The following STPG2 variants were observed in gnomAD, a reference collection of about 807,000 sequenced individuals.
STPG2 encodes sperm tail PG-rich repeat containing 2, also known as sperm-tail PG-rich repeat-containing protein 2.
Under a neutral mutation model 54.2 loss-of-function variants are expected in STPG2, and 56 were observed. The observed-to-expected ratio is 1.03, with a 90% CI of 0.83 to 1.29. The LOEUF (loss-of-function observed/expected upper bound fraction) is 1.29. Among genes scored for constraint, STPG2 ranks in the 50% most tolerant of loss-of-function variants. The probability of loss-of-function intolerance (pLI) is 0.00; values close to 1 mark genes in which losing one functional copy is unlikely to be tolerated. For synonymous variants in STPG2, 200 were observed against 181.8 expected, an observed-to-expected ratio of 1.10 and a Z score of -0.81; for missense variants, 596 against 544.9, an observed-to-expected ratio of 1.09 and a Z score of -0.93.
intron 10 of STPG2, among the ~76,000 whole-genome samples, chr4:97,695,916 G>GA (rs1446872095): frequency 6.6e-6 from 1 of 152,010 alleles, no homozygotes; most frequent in East Asian, 1.9e-4. Context: ...TTGTGAAAAT[G>GA]ACCACACTGC....
chr4:97,694,453 GA>G (rs35072381), intron 10 of STPG2, among the ~76,000 whole-genome samples: 1 of 150,254 alleles, frequency 6.7e-6, no homozygotes, highest in African/African-American at 2.5e-5. Flanking sequence ...GATTAAAACA[GA>G]AAAAAAAATA....
intron 10 of STPG2, among the ~76,000 whole-genome samples, chr4:97,583,496 T>C (rs1424384412): frequency 6.6e-6 from 1 of 152,086 alleles, no homozygotes; most frequent in East Asian, 1.9e-4. Flanking sequence ...CCTGCTATTT[T>C]CACATGAACT....
chr4:97,858,412 T>A (rs949517068), intron 8 of STPG2, among the ~76,000 whole-genome samples: 1 of 152,152 alleles, frequency 6.6e-6, no homozygotes, highest in Non-Finnish European at 1.5e-5. Flanking sequence ...TATTTTATTT[T>A]ATTTTATTTC....
chr4:98,072,669 A>G (rs1738042972), intron 5 of STPG2, among the ~76,000 whole-genome samples: 1 of 152,202 alleles, frequency 6.6e-6, no homozygotes, highest in African/African-American at 2.4e-5. Context: ...TGCATCCCCA[A>G]CTGTGTGTGC....
chr4:98,028,547 C>T (rs764588959), intron 5 of STPG2, among the ~76,000 whole-genome samples: 25 of 152,120 alleles, frequency 1.6e-4, no homozygotes, highest in Admixed American at 8.5e-4. Context: ...GTATCTTTAA[C>T]GTCCATATTT....
At chr4:97,703,786 G>A (rs1011750711) in intron 10 of STPG2, among the ~76,000 whole-genome samples, 2 of 145,282 alleles carry the variant, frequency 1.4e-5, no homozygotes, top group Non-Finnish European at 3.0e-5. Flanking sequence ...GTGTGTGTGT[G>A]TATATATATG....
chr4:98,023,290 C>T (rs755582749), intron 5 of STPG2, among the ~76,000 whole-genome samples: 1 of 150,860 alleles, frequency 6.6e-6, no homozygotes, highest in Non-Finnish European at 1.5e-5. Context: ...CACTCCAGAC[C>T]CTGTTTGCCT....
At position 97,499,070 on chromosome 4, in the gene STPG2, G is replaced by A. The variant is rs149637498; in HGVS notation, c.462+213629C>T. 6.6e-5 allele frequency among the ~76,000 whole-genome samples: 10 copies of A among 152,016 alleles called. No homozygotes were observed. The East Asian group carries it at 7.8e-4, about 12-fold the overall frequency. ...GAACCTAACTGAGGGAGTGACTCAC[G>A]AGCCCTAGGAAAATCAGGATAAGTC... On this transcript the variant is annotated intron_variant, in intron 4 of 4. Transcript: ENST00000522676.
At chr4:97,465,221 G>A (rs934368602) in intron 4 of STPG2, among the ~76,000 whole-genome samples, 2 of 152,076 alleles carry the variant, frequency 1.3e-5, no homozygotes, top group Non-Finnish European at 2.9e-5. Context: ...GGATCCAATG[G>A]CTTCAACTCC....
rs78734813 is a variant in STPG2, at chr4:97,735,049, G to A, written c.1205-22235C>T. Among the ~76,000 whole-genome samples, 61 of 149,186 alleles carry A rather than the reference G, an allele frequency of 4.1e-4. 1 individual carries two copies. The East Asian group carries it at 0.011, about 28-fold the overall frequency. On this transcript the variant is annotated intron_variant, in intron 9 of 10. Coordinates refer to ENST00000295268, the MANE Select transcript of STPG2 (RefSeq NM_174952.3). ...GATGGCGTCACTGCACTACAGCCTG[G>A]GCAAGAGAGCGAGACATCGTCTCAA...
intron 9 of STPG2, among the ~76,000 whole-genome samples, chr4:97,767,074 T>C (rs1013660044): frequency 6.6e-6 from 1 of 152,142 alleles, no homozygotes; most frequent in Non-Finnish European, 1.5e-5. Context: ...TGATGAGTCA[T>C]AAGAAAACTT....
intron 10 of STPG2, among the ~76,000 whole-genome samples, chr4:97,578,656 GT>G (rs1732785199): frequency 6.6e-6 from 1 of 151,514 alleles, no homozygotes. Context: ...AAAACCAAGA[GT>G]TTTGGTTTGT....
chr4:97,981,289 C>T lies in STPG2; in HGVS notation c.642G>A (p.Pro214=), dbSNP rs775523692. 17 of 1,613,702 alleles carry T rather than the reference C, an allele frequency of 1.1e-5. No homozygotes were observed. The highest frequency in any genetic ancestry group is 5.5e-5 in the South Asian group (5 of 91,058). The change falls in exon 6 of 11, where the codon CCG becomes CCA. Residue 214 remains proline, a synonymous_variant. Coordinates refer to ENST00000295268, the MANE Select transcript of STPG2 (RefSeq NM_174952.3). ...KRFLPMKSIT[P]APGTYNEPRT... Reference sequence around the variant, plus strand: ...GAGGTTCATTATATGTGCCAGGAGCCGGGGTGATTGATTTCATAGGTAAAA... The same window carrying T: ...GAGGTTCATTATATGTGCCAGGAGCTGGGGTGATTGATTTCATAGGTAAAA...
chr4:98,016,307 T>C (rs1312863795), intron 5 of STPG2, among the ~76,000 whole-genome samples: 2 of 152,220 alleles, frequency 1.3e-5, no homozygotes, highest in African/African-American at 4.8e-5. Context: ...ATGTTTGTGT[T>C]CCTTTCCAAA....
intron 1 of STPG2, among the ~76,000 whole-genome samples, chr4:98,140,956 GGA>G (rs1432236298): frequency 6.6e-6 from 1 of 152,102 alleles, no homozygotes; most frequent in East Asian, 1.9e-4. Flanking sequence ...ATCAGAATAT[GGA>G]TAGCAAATGA....
intron 3 of STPG2, among the ~76,000 whole-genome samples, chr4:98,117,563 A>G (rs916442765): frequency 1.3e-5 from 2 of 151,816 alleles, no homozygotes; most frequent in South Asian, 2.1e-4. Flanking sequence ...GTATGTTGGT[A>G]TACTCGACAG....
intron 9 of STPG2, among the ~76,000 whole-genome samples, chr4:97,833,591 T>C (rs1394224801): frequency 6.6e-6 from 1 of 152,080 alleles, no homozygotes; most frequent in African/African-American, 2.4e-5. Flanking sequence ...GGGAGAATAA[T>C]TTTGCAATCT....
chr4:97,906,804 C>A (rs969176538), intron 8 of STPG2, among the ~76,000 whole-genome samples: 2 of 152,098 alleles, frequency 1.3e-5, no homozygotes, highest in Non-Finnish European at 2.9e-5. Flanking sequence ...AGGCCTTTGA[C>A]AAAATTCAAC....
chr4:97,619,894 G>T (rs1357804180), intron 10 of STPG2, among the ~76,000 whole-genome samples: 1 of 150,926 alleles, frequency 6.6e-6, no homozygotes, highest in Non-Finnish European at 1.5e-5. Flanking sequence ...CGCAATCTCG[G>T]CTCACTGCAA....
Sources: allele counts gnomAD v4.1 joint callset (sites outside exome capture counted in the v4.1 genomes callset), GRCh38; gene constraint gnomAD v4.1.1; transcripts MANE v1.5; gene names NCBI Gene and HGNC (gene_info 2026-07-23, HGNC 2026-07-21).